Variants in ZMAT3 observed in about 807,000 individuals in gnomAD.
ZMAT3 encodes zinc finger matrin-type 3.
In ZMAT3, 17 loss-of-function variants were observed where a neutral mutation model predicts 32.3. That is an observed-to-expected ratio of 0.53 (90% CI 0.36 to 0.79). The LOEUF is 0.79. ZMAT3 is among the 30% of genes least tolerant of loss of function. ZMAT3 has a pLI of 0.00. For missense variants in ZMAT3, 329 were observed against 359.7 expected, an observed-to-expected ratio of 0.91 and a Z score of 0.69; for synonymous variants, 120 against 133.1, an observed-to-expected ratio of 0.90 and a Z score of 0.68.
chr3:179,025,655 G>C (rs1301863018), intron 5 of ZMAT3, among the ~76,000 whole-genome samples: 1 of 152,080 alleles, frequency 6.6e-6, no homozygotes, highest in African/African-American at 2.4e-5. Context: ...TATCTCAGCA[G>C]TGATTATAAA....
At chr3:179,059,198 G>T (rs1721023114) in intron 2 of ZMAT3, among the ~76,000 whole-genome samples, 1 of 152,132 alleles carries the variant, frequency 6.6e-6, no homozygotes, top group African/African-American at 2.4e-5. Flanking sequence ...CATTAGAAAT[G>T]CTTATAGAAG....
At chr3:179,054,706 A>C (rs545310609) in intron 2 of ZMAT3, among the ~76,000 whole-genome samples, 2 of 152,262 alleles carry the variant, frequency 1.3e-5, no homozygotes, top group South Asian at 4.1e-4. Context: ...GCTGGAGCAG[A>C]GCTTTCGCTC....
chr3:179,055,332 C>A (rs1239938987), intron 2 of ZMAT3, among the ~76,000 whole-genome samples: 1 of 152,158 alleles, frequency 6.6e-6, no homozygotes, highest in African/African-American at 2.4e-5. Context: ...TACAGCTAGA[C>A]CTCTTCTGTA....
intron 2 of ZMAT3, among the ~76,000 whole-genome samples, chr3:179,058,768 A>G (rs1156430434): frequency 1.3e-5 from 2 of 151,672 alleles, no homozygotes; most frequent in Admixed American, 6.5e-5. Flanking sequence ...AAAAAAAAAA[A>G]AAAAAGAAAA....
intron 2 of ZMAT3, among the ~76,000 whole-genome samples, chr3:179,053,681 C>A (rs577346559): frequency 5.0e-4 from 76 of 152,288 alleles, no homozygotes; most frequent in African/African-American, 1.8e-3. Flanking sequence ...TGACATGACA[C>A]ACTAGGAAGA....
Position 179,023,200 on chromosome 3 carries a change from C to T in ZMAT3, c.*1817G>A, listed in dbSNP as rs1718640642. 1 of 147,488 alleles carries T rather than the reference C, an allele frequency of 6.8e-6. No homozygotes were observed. Among genetic ancestry groups the T allele is most frequent in the Non-Finnish European group, 1.5e-5 (1 of 67,434 alleles). 9.1% of individuals were successfully genotyped at this position (147,488 alleles called of 1,614,324 possible). A position where few individuals can be genotyped will look rare whatever the true frequency, so the allele number is the denominator to read the frequency against. On this transcript the variant is annotated 3_prime_UTR_variant, in exon 6 of 6. Coordinates refer to ENST00000311417, the MANE Select transcript of ZMAT3 (RefSeq NM_022470.4). ...TTTTGGAGACGGAGTATTGCTCTGT[C>T]GCCCAGACTGGAGTGCAGTGGCACG...
At position 179,020,822 on chromosome 3, in the gene ZMAT3, T is replaced by C. The variant is rs1210524077; in HGVS notation, c.*4195A>G. Reference sequence around the variant, plus strand: ...CACTGGACCTCAAACTGTTGTTGCTTGCTGTCCCAGCCAATTCAAGAGTGA... The same window carrying C: ...CACTGGACCTCAAACTGTTGTTGCTCGCTGTCCCAGCCAATTCAAGAGTGA... On this transcript the variant is annotated 3_prime_UTR_variant, in exon 6 of 6. Coordinates refer to ENST00000311417, the MANE Select transcript of ZMAT3 (RefSeq NM_022470.4). 6.6e-6 allele frequency: 1 copy of C among 152,272 alleles called. No homozygotes were observed. The highest frequency in any genetic ancestry group is 1.5e-5 in the Non-Finnish European group (1 of 68,064). The allele number at this position is 152,272 out of a possible 1,614,324, so 9.4% of individuals were successfully genotyped here.
chr3:179,023,710 A>ATATATATATATTTTTTTT lies in ZMAT3; in HGVS notation c.*1306_*1307insAAAAAAAATATATATATA, dbSNP rs1553798348. ...GGAAAATATATCTATATATATATAT[A>ATATATATATATTTTTTTT]TTTTTTTTTTTTTTTTTTTTTTTTT... On this transcript the variant is annotated 3_prime_UTR_variant, in exon 6 of 6. Coordinates refer to ENST00000311417, the MANE Select transcript of ZMAT3 (RefSeq NM_022470.4). The ATATATATATATTTTTTTT allele has an allele frequency of 4.0e-5, 1 of 25,058 alleles. No individual in the cohort carries two copies. Among genetic ancestry groups the ATATATATATATTTTTTTT allele is most frequent in the Non-Finnish European group, 6.0e-5 (1 of 16,728 alleles). The allele number at this position is 25,058 out of a possible 1,614,324, so 1.6% of individuals were successfully genotyped here.
At position 179,018,190 on chromosome 3, in the gene ZMAT3, A is replaced by C. The variant is rs1002046145; in HGVS notation, c.*6827T>G. 6.6e-6 allele frequency: 1 copy of C among 152,178 alleles called. No individual in the cohort carries two copies. Among genetic ancestry groups the C allele is most frequent in the African/African-American group, 2.4e-5 (1 of 41,436 alleles). 9.4% of individuals were successfully genotyped at this position (152,178 alleles called of 1,614,324 possible). ...GACATGTGGAGTTACTCTTCCTTAAAAAAATATATCATGTAGAGAATACAC... is the reference window on the plus strand; with the variant it reads ...GACATGTGGAGTTACTCTTCCTTAACAAAATATATCATGTAGAGAATACAC... On this transcript the variant is annotated 3_prime_UTR_variant, in exon 6 of 6. Coordinates refer to ENST00000311417, the MANE Select transcript of ZMAT3 (RefSeq NM_022470.4).
At chr3:179,058,712 C>T (rs1388586690) in intron 2 of ZMAT3, among the ~76,000 whole-genome samples, 6 of 148,264 alleles carry the variant, frequency 4.0e-5, no homozygotes, top group African/African-American at 1.5e-4. Context: ...GCCGAGATCC[C>T]GCCACTGCAC....
chr3:179,062,335 T>A (rs531023664), intron 2 of ZMAT3, among the ~76,000 whole-genome samples: 1 of 152,210 alleles, frequency 6.6e-6, no homozygotes, highest in Admixed American at 6.5e-5. Flanking sequence ...AGGTTGCTAA[T>A]AGAAGGGATT....
rs1259683511 is a variant in ZMAT3, at chr3:179,019,192, AAT to A, written c.*5823_*5824del. ...AGCACTTAAAAATGACCAATTCTAA[AAT>A]AAACTTGTGTTTGAAAGGAATTGTC... is the stretch of plus-strand genomic sequence containing the variant. On this transcript the variant is annotated 3_prime_UTR_variant, in exon 6 of 6. Transcript: ENST00000311417. 1 of 152,114 alleles carries A rather than the reference AAT, an allele frequency of 6.6e-6. No homozygotes were observed. Among genetic ancestry groups the A allele is most frequent in the African/African-American group, 2.4e-5 (1 of 41,438 alleles). The allele number at this position is 152,114 out of a possible 1,614,324, so 9.4% of individuals were successfully genotyped here. A position where few individuals can be genotyped will look rare whatever the true frequency, so the allele number is the denominator to read the frequency against.
At position 179,023,352 on chromosome 3, in the gene ZMAT3, G is replaced by C. The variant is rs909080261; in HGVS notation, c.*1665C>G. ...AAAGTGATCTATCATATACTTGTTA[G>C]TATCTTCAAGAAAGCCGAATTACAA... On this transcript the variant is annotated 3_prime_UTR_variant, in exon 6 of 6. Transcript: ENST00000311417. 21 of 151,764 alleles carry C rather than the reference G, an allele frequency of 1.4e-4. No individual in the cohort carries two copies. The highest frequency in any genetic ancestry group is 4.8e-4 in the African/African-American group (20 of 41,340). The allele number at this position is 151,764 out of a possible 1,614,324, so 9.4% of individuals were successfully genotyped here.
At chr3:179,039,728 T>C (rs1719809985) in intron 2 of ZMAT3, among the ~76,000 whole-genome samples, 1 of 152,134 alleles carries the variant, frequency 6.6e-6, no homozygotes, top group Non-Finnish European at 1.5e-5. Context: ...AAAGAATGAC[T>C]CTGACGAGGT....
At chr3:179,045,575 T>C (rs1247693767) in intron 2 of ZMAT3, among the ~76,000 whole-genome samples, 1 of 151,982 alleles carries the variant, frequency 6.6e-6, no homozygotes, top group African/African-American at 2.4e-5. Context: ...TCTAAAAATA[T>C]AAAAAACAAC....
chr3:179,063,354 T>A (rs1721246663), intron 2 of ZMAT3, among the ~76,000 whole-genome samples: 1 of 152,228 alleles, frequency 6.6e-6, no homozygotes, highest in Admixed American at 6.5e-5. Flanking sequence ...CTCTTCATTA[T>A]GAATTATGAA....
chr3:179,025,700 T>A (rs1294131418), intron 5 of ZMAT3, among the ~76,000 whole-genome samples: 1 of 152,160 alleles, frequency 6.6e-6, no homozygotes, highest in South Asian at 2.1e-4. Context: ...GATTCAAAAA[T>A]AGGATTAAAG....
At chr3:179,036,488 T>A (rs1719598661) in intron 2 of ZMAT3, among the ~76,000 whole-genome samples, 1 of 151,738 alleles carries the variant, frequency 6.6e-6, no homozygotes, top group South Asian at 2.1e-4. Context: ...TCAAGCAAGA[T>A]AATGGCTAGA....
rs1718636606 is a variant in ZMAT3, at chr3:179,023,160, CTTCT to C, written c.*1853_*1856del. 1 of 102,954 alleles carries C rather than the reference CTTCT, an allele frequency of 9.7e-6. No individual in the cohort carries two copies. Among genetic ancestry groups the C allele is most frequent in the African/African-American group, 4.3e-5 (1 of 23,400 alleles). The allele number at this position is 102,954 out of a possible 1,614,324, so 6.4% of individuals were successfully genotyped here. ...TAGTTAATCTAGATATATATTATAG[CTTCT>C]TTTTTTTTTTTTTTGGAGACGGAGT... On this transcript the variant is annotated 3_prime_UTR_variant, in exon 6 of 6. Coordinates refer to ENST00000311417, the MANE Select transcript of ZMAT3 (RefSeq NM_022470.4).
Sources: gnomAD v4.1 joint callset for allele counts (sites outside exome capture counted in the v4.1 genomes callset) on GRCh38, gnomAD v4.1.1 for gene constraint, MANE v1.5 for transcripts, NCBI Gene and HGNC (gene_info 2026-07-23, HGNC 2026-07-21) for gene names.